The following ALDH1A1 variants were observed in gnomAD, a reference collection of about 807,000 sequenced individuals.
ALDH1A1 encodes the protein aldehyde dehydrogenase 1 family member A1, also known as aldehyde dehydrogenase 1A1.
Under a neutral mutation model 62.1 loss-of-function variants are expected in ALDH1A1, and 19 were observed. The observed-to-expected ratio is 0.31, with a 90% CI of 0.21 to 0.45. The LOEUF (loss-of-function observed/expected upper bound fraction) is 0.45, where lower values mean the gene tolerates loss of function less well. Ranked by LOEUF, ALDH1A1 falls within the 20% of genes least tolerant of loss-of-function variation. The probability of loss-of-function intolerance (pLI) is 1.00; values close to 1 mark genes in which losing one functional copy is unlikely to be tolerated. For synonymous variants in ALDH1A1, 231 were observed against 215.9 expected (o/e 1.07, Z -0.61); for missense variants, 521 against 607.1 (o/e 0.86, Z 1.49).
At chr9:72,907,890 A>C (rs1487186612) in intron 11 of ALDH1A1, among the ~76,000 whole-genome samples, 1 of 152,204 alleles carries the variant, frequency 6.6e-6, no homozygotes, top group Non-Finnish European at 1.5e-5. Flanking sequence ...TATACCGACT[A>C]TTCAAGAAGA....
chr9:72,945,352 C>G (rs1430913184), intron 1 of ALDH1A1, among the ~76,000 whole-genome samples: 2 of 151,540 alleles, frequency 1.3e-5, no homozygotes, highest in East Asian at 3.9e-4. Context: ...ACTGGGCCAG[C>G]AGCCCTAGAG....
At chr9:72,927,222 G>C (rs1246563475) in intron 4 of ALDH1A1, 45 bp from the exon 5 acceptor site, 8 of 1,407,806 alleles carry the variant, frequency 5.7e-6, no homozygotes, top group Non-Finnish European at 7.9e-6. Context: ...AAATGTATTT[G>C]ACATTCACAA....
intron 1 of ALDH1A1, among the ~76,000 whole-genome samples, chr9:72,942,605 A>T (rs758057491): frequency 2.1e-4 from 32 of 152,090 alleles, no homozygotes; most frequent in Non-Finnish European, 4.0e-4. Flanking sequence ...CTATTGTCAG[A>T]CTGCTTAACA....
chr9:72,919,298 C>T (rs899644145), intron 7 of ALDH1A1, among the ~76,000 whole-genome samples: 1 of 152,080 alleles, frequency 6.6e-6, no homozygotes, highest in African/African-American at 2.4e-5. Context: ...CATTTTTTAT[C>T]CCTCTTCTGG....
chr9:72,923,623 C>A (rs1449710124), intron 7 of ALDH1A1, among the ~76,000 whole-genome samples: 2 of 152,092 alleles, frequency 1.3e-5, no homozygotes, highest in Non-Finnish European at 1.5e-5. Flanking sequence ...AGAAAGACAA[C>A]CCCAAATAAG....
intron 2 of ALDH1A1, among the ~76,000 whole-genome samples, chr9:72,933,592 CAAAAAAAA>C (rs60011646): frequency 1.3e-3 from 140 of 111,730 alleles, no homozygotes; most frequent in African/African-American, 4.7e-3. Flanking sequence ...CATCTCAAAA[CAAAAAAAA>C]AAAAAAAAAA....
intron 11 of ALDH1A1, among the ~76,000 whole-genome samples, chr9:72,908,579 GAAAGAAAGAAAGAA>G (rs1235865614): frequency 8.0e-6 from 1 of 125,770 alleles, no homozygotes; most frequent in Admixed American, 7.8e-5. Context: ...AAGAAAGAAA[GAAAGAAAGAAAGAA>G]AGAAAGAAAG....
At chr9:72,925,401 T>C in intron 6 of ALDH1A1, 83 bp downstream of exon 6, 2 of 1,508,500 alleles carry the variant, frequency 1.3e-6, no homozygotes, top group Non-Finnish European at 1.8e-6. Flanking sequence ...ATAATGTACT[T>C]TATAGTAGCA....
At position 72,912,183 on chromosome 9, in the gene ALDH1A1, C is replaced by T. The variant is rs1830000617; in HGVS notation, c.1036-61G>A. On this transcript the variant is annotated intron_variant, in intron 9 of 12. Transcript: ENST00000297785. ...AGTCACTTGTAAAGATAACACATTG[C>T]TGGGCCTGTTAACAAGGGCTTCAAA... The T allele has an allele frequency of 2.8e-6, 4 of 1,452,648 alleles. No homozygotes were observed. In the Admixed American group the frequency reaches 8.0e-5, roughly 29 times the overall value. The allele number at this position is 1,452,648 out of a possible 1,614,324, so 90.0% of individuals were successfully genotyped here.
At chr9:72,929,141 C>T (rs1347211015) in intron 3 of ALDH1A1, 120 bp from the exon 4 acceptor site, 3 of 1,078,320 alleles carry the variant, frequency 2.8e-6, no homozygotes, top group Admixed American at 5.2e-5. Flanking sequence ...ATCTTGTCAT[C>T]TTGTCTAACC....
intron 4 of ALDH1A1, 72 bp from the exon 5 acceptor site, chr9:72,927,249 G>A (rs994865057): frequency 1.8e-6 from 2 of 1,124,742 alleles, no homozygotes; most frequent in African/African-American, 1.6e-5. Context: ...GGTTGGTGAT[G>A]TGAGAGAAAG....
At position 72,947,826 on chromosome 9, in the gene ALDH1A1, A is replaced by C. The variant is rs909326023; in HGVS notation, c.66+5109T>G. Among the ~76,000 whole-genome samples the C allele has an allele frequency of 4.6e-5, 7 of 152,056 alleles. No individual in the cohort carries two copies. The South Asian group carries it at 1.2e-3, about 27-fold the overall frequency. On this transcript the variant is annotated intron_variant, in intron 1 of 12. Coordinates refer to ENST00000297785, the MANE Select transcript of ALDH1A1 (RefSeq NM_000689.5). The stretch of plus-strand genomic sequence containing the variant: ...TCAGCTTTGAAATGGGACTCTGCTA[A>C]CATCTTTTCTAGCTCCTCTCAGTGG...
chr9:72,951,095 C>T lies in ALDH1A1; in HGVS notation c.66+1840G>A, dbSNP rs904067600. 2.0e-5 allele frequency among the ~76,000 whole-genome samples: 3 copies of T among 152,054 alleles called. No homozygotes were observed. The East Asian group carries it at 5.8e-4, about 29-fold the overall frequency. ...TGCACGAGAAATCAAAATTCACTGA[C>T]TTGTTTGGAGTATTTTTACCCAGAA... On this transcript the variant is annotated intron_variant, in intron 1 of 12. Coordinates refer to ENST00000297785, the MANE Select transcript of ALDH1A1 (RefSeq NM_000689.5).
chr9:72,941,502 G>C (rs972627148), intron 1 of ALDH1A1, among the ~76,000 whole-genome samples: 2 of 151,866 alleles, frequency 1.3e-5, no homozygotes, highest in African/African-American at 4.8e-5. Context: ...ACTTCCATTG[G>C]ACAATTTGTC....
At chr9:72,915,039 T>C (rs1218285854) in intron 9 of ALDH1A1, among the ~76,000 whole-genome samples, 1 of 152,154 alleles carries the variant, frequency 6.6e-6, no homozygotes, top group Non-Finnish European at 1.5e-5. Flanking sequence ...TTTTAGTCTT[T>C]TGTTTCTCCA....
At chr9:72,917,787 A>G (rs1195399826) in intron 8 of ALDH1A1, among the ~76,000 whole-genome samples, 1 of 152,212 alleles carries the variant, frequency 6.6e-6, no homozygotes. Context: ...ACTCTAAACA[A>G]GAATAAAATT....
chr9:72,901,199 G>T lies in ALDH1A1; in HGVS notation c.*9C>A. Reference sequence around the variant, plus strand: ...TATTGAAGAGCTTCTCTCCACTCTTGTATTTTCTTTATGAGTTCTTCTGAG... The same window carrying T: ...TATTGAAGAGCTTCTCTCCACTCTTTTATTTTCTTTATGAGTTCTTCTGAG... On this transcript the variant is annotated 3_prime_UTR_variant, in exon 13 of 13. Transcript: ENST00000297785. 2 of 1,590,030 alleles carry T rather than the reference G, an allele frequency of 1.3e-6. No homozygotes were observed. Among genetic ancestry groups the T allele is most frequent in the Non-Finnish European group, 1.7e-6 (2 of 1,159,914 alleles).
At chr9:72,915,059 A>T (rs1001568878) in intron 9 of ALDH1A1, among the ~76,000 whole-genome samples, 39 of 152,244 alleles carry the variant, frequency 2.6e-4, no homozygotes, top group African/African-American at 8.7e-4. Flanking sequence ...AAATTCTAAC[A>T]TACCTACTTA....
At chr9:72,915,854 A>T (rs1830055436) in intron 9 of ALDH1A1, among the ~76,000 whole-genome samples, 1 of 152,154 alleles carries the variant, frequency 6.6e-6, no homozygotes, top group Admixed American at 6.5e-5. Flanking sequence ...ACGTTCACTA[A>T]CTTTTAGTTA....
Sources: gnomAD v4.1 joint callset for allele counts (sites outside exome capture counted in the v4.1 genomes callset) on GRCh38, gnomAD v4.1.1 for gene constraint, MANE v1.5 for transcripts, NCBI Gene and HGNC (gene_info 2026-07-23, HGNC 2026-07-21) for gene names.